The following VPS53 variants were observed in gnomAD, a reference collection of about 807,000 sequenced individuals.
The protein encoded by VPS53 is VPS53 subunit of GARP complex.
A neutral mutation model predicts 107.0 loss-of-function variants in VPS53; 70 were observed. The observed-to-expected ratio is 0.65, with a 90% CI of 0.54 to 0.80. VPS53 has a LOEUF of 0.80. VPS53 is among the 30% of genes least tolerant of loss of function. The probability of loss-of-function intolerance (pLI) is 0.00; values close to 1 mark genes in which losing one functional copy is unlikely to be tolerated. For synonymous variants in VPS53, 409 were observed against 393.3 expected, an observed-to-expected ratio of 1.04 and a Z score of -0.47; for missense variants, 917 against 1,049.4, an observed-to-expected ratio of 0.87 and a Z score of 1.74.
chr17:638,732 T>C (rs111932322), intron 7 of VPS53, among the ~76,000 whole-genome samples: 15,108 of 152,222 alleles, frequency 0.099, 832 homozygotes, highest in East Asian at 0.21. Context: ...TCAAGAATGT[T>C]GAATATTGGC....
chr17:703,443 A>G (rs1973281914), intron 2 of VPS53, among the ~76,000 whole-genome samples: 1 of 152,180 alleles, frequency 6.6e-6, no homozygotes, highest in Admixed American at 6.6e-5. Context: ...CACTCTCATC[A>G]GTTAGTTCAG....
Position 551,876 on chromosome 17 carries a change from C to T in VPS53, c.1862G>A (p.Ser621Asn). The T allele has an allele frequency of 1.9e-6, 3 of 1,601,168 alleles. No homozygotes were observed. The South Asian group carries it at 3.4e-5, about 18-fold the overall frequency. ...TGCCATTTCCCAAGACCTTACCTTGCTCATGGCAGTCAGGGCAGGATCACA... is the reference window on the plus strand; with the variant it reads ...TGCCATTTCCCAAGACCTTACCTTGTTCATGGCAGTCAGGGCAGGATCACA... Reference protein sequence around the residue: ...AACDPALTAMSKMQWQNVEHV... With the variant: ...AACDPALTAMNKMQWQNVEHV... The change falls in exon 17 of 22, where the codon AGC (serine) becomes AAC (asparagine). Residue 621 changes from serine (S) to asparagine (N), a missense_variant. Physicochemically the swap from Ser to Asn is conservative, Grantham distance 46 (BLOSUM62 1). Transcript: ENST00000437048.
At chr17:579,577 C>T (rs1966880967) in intron 13 of VPS53, among the ~76,000 whole-genome samples, 1 of 151,128 alleles carries the variant, frequency 6.6e-6, no homozygotes, top group Non-Finnish European at 1.5e-5. Flanking sequence ...GAGATCCTCC[C>T]TCATGACCTA....
chr17:561,717 C>T (rs1360456204), intron 14 of VPS53, among the ~76,000 whole-genome samples: 1 of 152,192 alleles, frequency 6.6e-6, no homozygotes, highest in Non-Finnish European at 1.5e-5. Flanking sequence ...GCAACCTCCG[C>T]CTCCCGGGTT....
At chr17:699,507 T>C (rs377730622) in intron 2 of VPS53, 127 bp from the exon 3 acceptor site, 55 of 702,654 alleles carry the variant, frequency 7.8e-5, no homozygotes, top group Non-Finnish European at 1.1e-4. Flanking sequence ...GATATGAGTT[T>C]TGCTTTAAAA....
intron 4 of VPS53, among the ~76,000 whole-genome samples, chr17:687,374 G>A (rs1972623839): frequency 6.6e-6 from 1 of 151,012 alleles, no homozygotes; most frequent in Admixed American, 6.6e-5. Context: ...TCAGAAGATC[G>A]AGACCATCCT....
At chr17:714,044 C>CAAAAAAAAAAAA (rs397818093) in intron 1 of VPS53, 3 of 77,724 alleles carry the variant, frequency 3.9e-5, no homozygotes, top group African/African-American at 5.4e-5. Flanking sequence ...GAATCCGTCT[C>CAAAAAAAAAAAA]AAAAAAAAAA....
intron 7 of VPS53, among the ~76,000 whole-genome samples, chr17:639,170 T>C (rs1183242975): frequency 6.6e-6 from 1 of 152,226 alleles, no homozygotes; most frequent in South Asian, 2.1e-4. Flanking sequence ...ATTCATTCGA[T>C]CTTCAATCAC....
At chr17:645,683 C>T (rs1033060972) in intron 7 of VPS53, among the ~76,000 whole-genome samples, 3 of 152,216 alleles carry the variant, frequency 2.0e-5, no homozygotes, top group East Asian at 1.9e-4. Flanking sequence ...TAACGAATCC[C>T]TATGCTGGTT....
intron 15 of VPS53, 68 bp from the exon 16 acceptor site, chr17:553,530 G>T: frequency 9.0e-6 from 10 of 1,108,930 alleles, no homozygotes; most frequent in Non-Finnish European, 1.3e-5. Flanking sequence ...CACAATAATA[G>T]TTAACATTTA....
At position 519,367 on chromosome 17, in the gene VPS53, T is replaced by C. The variant is rs181651574; in HGVS notation, c.2329-69A>G. ...GAATGGCCCACGGGGGACAGCGCAG[T>C]ATCTGGATATGGGGTCAGCAGAGGC... On this transcript the variant is annotated intron_variant, in intron 21 of 21. Transcript: ENST00000437048. This position sits in a 1 kb window ranked among gnomAD's most constrained non-coding sequence, Gnocchi z 5.0. 5,276 of 1,400,262 alleles carry C rather than the reference T, an allele frequency of 3.8e-3. 19 individuals are homozygous for C. Among genetic ancestry groups the C allele is most frequent in the Non-Finnish European group, 4.7e-3 (4,967 of 1,065,698 alleles). 86.7% of individuals were successfully genotyped at this position (1,400,262 alleles called of 1,614,324 possible).
chr17:685,479 T>C (rs1972552818), intron 4 of VPS53, among the ~76,000 whole-genome samples: 1 of 152,190 alleles, frequency 6.6e-6, no homozygotes, highest in Non-Finnish European at 1.5e-5. Context: ...ACATGAGCTA[T>C]TCAACACTTT....
chr17:558,707 C>T (rs1597298231), intron 15 of VPS53, among the ~76,000 whole-genome samples: 3 of 147,114 alleles, frequency 2.0e-5, no homozygotes, highest in Admixed American at 6.8e-5. Context: ...GGTACAAGGC[C>T]GGGCACAGGG....
intron 13 of VPS53, among the ~76,000 whole-genome samples, chr17:580,890 G>C (rs1418640248): frequency 1.4e-5 from 2 of 140,882 alleles, no homozygotes; most frequent in Non-Finnish European, 3.0e-5. Flanking sequence ...CGCATTCGCA[G>C]AGATCAAGAC....
At position 519,173 on chromosome 17, in the gene VPS53, C is replaced by G. The variant is rs1048414158; in HGVS notation, c.2454G>C (p.Ser818=). 6.5e-7 allele frequency: 1 copy of G among 1,546,362 alleles called. No homozygotes were observed. Among genetic ancestry groups the G allele is most frequent in the Admixed American group, 2.0e-5 (1 of 49,520 alleles). ...SLTAPTPEQE[S]SRIRKLEKLI... The stretch of plus-strand genomic sequence containing the variant: ...GTTTCTCGAGCTTGCGGATGCGTGA[C>G]GACTCTTGCTCTGGTGTTGGCGCCG... Residue 818 remains serine (S), a synonymous_variant, in exon 22 of 22, where the codon TCG becomes TCC. Transcript: ENST00000437048. The surrounding 1 kb of genome is among the most constrained non-coding windows in gnomAD (Gnocchi z 5.0).
intron 11 of VPS53, among the ~76,000 whole-genome samples, chr17:614,177 G>C (rs991085696): frequency 6.6e-6 from 1 of 152,208 alleles, no homozygotes; most frequent in African/African-American, 2.4e-5. Context: ...AAATGTCCTG[G>C]AGTTGCACAG....
At chr17:637,872 G>C (rs1970261558) in intron 7 of VPS53, among the ~76,000 whole-genome samples, 1 of 152,216 alleles carries the variant, frequency 6.6e-6, no homozygotes, top group South Asian at 2.1e-4. Context: ...GCGATGTGGT[G>C]CTGAGAAGAA....
At chr17:704,645 A>G (rs926539125) in intron 2 of VPS53, among the ~76,000 whole-genome samples, 2 of 152,228 alleles carry the variant, frequency 1.3e-5, no homozygotes, top group Non-Finnish European at 2.9e-5. Flanking sequence ...ACCCTGTGTC[A>G]TAAATGTTCT....
rs74956925 is a variant in VPS53, at chr17:585,014, G to A, written c.1313+1256C>T. ...ATTTGGCAAATGCCACAGAAACAACGCTTCCGTCAGGAATCAATCAAGGGA... is the reference window on the plus strand; with the variant it reads ...ATTTGGCAAATGCCACAGAAACAACACTTCCGTCAGGAATCAATCAAGGGA... On this transcript the variant is annotated intron_variant, in intron 13 of 21. Coordinates refer to ENST00000437048, the MANE Select transcript of VPS53 (RefSeq NM_001128159.3). Among the ~76,000 whole-genome samples the A allele has an allele frequency of 7.6e-3, 1,153 of 152,280 alleles. 16 individuals are homozygous for A. The highest frequency in any genetic ancestry group is 0.026 in the African/African-American group (1,095 of 41,556).
Sources: allele counts gnomAD v4.1 joint callset (sites outside exome capture counted in the v4.1 genomes callset), GRCh38; gene constraint gnomAD v4.1.1; non-coding constraint Gnocchi (gnomAD v3.1); transcripts MANE v1.5; gene names NCBI Gene and HGNC (gene_info 2026-07-23, HGNC 2026-07-21).